CNTN3: variants seen among roughly 807,000 people sequenced by gnomAD.
CNTN3 encodes the protein contactin 3.
In CNTN3, 60 loss-of-function variants were observed where a neutral mutation model predicts 119.1. The ratio of observed to expected loss-of-function variants is 0.50; its 90% CI spans 0.41 to 0.62. CNTN3 has a LOEUF of 0.62. CNTN3 is among the 20% of genes least tolerant of loss of function. CNTN3 has a pLI of 0.00. For missense variants in CNTN3, 1,101 were observed against 1,242.4 expected, an observed-to-expected ratio of 0.89 and a Z score of 1.71; for synonymous variants, 450 against 438.7, an observed-to-expected ratio of 1.03 and a Z score of -0.32.
intron 1 of CNTN3, among the ~76,000 whole-genome samples, chr3:74,586,983 T>A (rs1704603783): frequency 6.6e-6 from 1 of 152,078 alleles, no homozygotes; most frequent in Non-Finnish European, 1.5e-5. Flanking sequence ...CAGCTACTCT[T>A]ATTTTACATA....
chr3:74,295,025 G>A, intron 19 of CNTN3, 96 bp downstream of exon 19: 1 of 761,686 alleles, frequency 1.3e-6, no homozygotes, highest in South Asian at 2.6e-5. Context: ...GCCAAAGACA[G>A]ACTTCAAATA....
At chr3:74,437,915 A>T (rs1701898156) in intron 4 of CNTN3, among the ~76,000 whole-genome samples, 1 of 152,220 alleles carries the variant, frequency 6.6e-6, no homozygotes, top group Non-Finnish European at 1.5e-5. Context: ...CAATGTTCTC[A>T]CATAAAACAT....
At chr3:74,495,283 A>G (rs1703039892) in intron 3 of CNTN3, among the ~76,000 whole-genome samples, 1 of 152,118 alleles carries the variant, frequency 6.6e-6, no homozygotes, top group African/African-American at 2.4e-5. Flanking sequence ...TAAAAGTAAA[A>G]TAACAATGAT....
At chr3:74,450,667 C>T (rs1252419788) in intron 4 of CNTN3, among the ~76,000 whole-genome samples, 2 of 124,794 alleles carry the variant, frequency 1.6e-5, no homozygotes, top group Non-Finnish European at 3.3e-5. Context: ...CCCCCCTCCC[C>T]CCACCCCACA....
chr3:74,444,980 T>C (rs2106935406), intron 4 of CNTN3, among the ~76,000 whole-genome samples: 1 of 152,320 alleles, frequency 6.6e-6, no homozygotes, highest in African/African-American at 2.4e-5. Context: ...TAAAAATTCC[T>C]AGACTTGAAG....
intron 5 of CNTN3, among the ~76,000 whole-genome samples, chr3:74,403,677 T>C (rs1705253474): frequency 1.3e-5 from 2 of 152,164 alleles, no homozygotes; most frequent in African/African-American, 2.4e-5. Flanking sequence ...CTCATCCTTT[T>C]ATTAAAATAT....
intron 2 of CNTN3, among the ~76,000 whole-genome samples, chr3:74,504,438 T>C (rs1480126584): frequency 6.6e-6 from 1 of 152,150 alleles, no homozygotes; most frequent in Non-Finnish European, 1.5e-5. Flanking sequence ...CACTATTCTT[T>C]AGGAAAAAAC....
At chr3:74,351,951 G>A (rs1703826091) in intron 11 of CNTN3, among the ~76,000 whole-genome samples, 1 of 152,138 alleles carries the variant, frequency 6.6e-6, no homozygotes, top group Non-Finnish European at 1.5e-5. Context: ...GTATGGGTTG[G>A]GGAAGCCAGG....
intron 4 of CNTN3, among the ~76,000 whole-genome samples, chr3:74,458,385 T>G (rs951660152): frequency 6.6e-6 from 1 of 152,010 alleles, no homozygotes; most frequent in Non-Finnish European, 1.5e-5. Flanking sequence ...AAAAATGGCT[T>G]GTATATTTTA....
At chr3:74,580,563 A>G (rs1704487986) in intron 1 of CNTN3, among the ~76,000 whole-genome samples, 1 of 152,218 alleles carries the variant, frequency 6.6e-6, no homozygotes, top group South Asian at 2.1e-4. Context: ...GTTGTCCCAG[A>G]ATACAAAATT....
chr3:74,530,052 T>G (rs1351237877), intron 1 of CNTN3, among the ~76,000 whole-genome samples: 4 of 152,022 alleles, frequency 2.6e-5, no homozygotes, highest in African/African-American at 9.7e-5. Flanking sequence ...GAGAGTGATC[T>G]TGGGGAAAAA....
chr3:74,519,737 C>A (rs774275073), intron 2 of CNTN3, among the ~76,000 whole-genome samples: 5 of 151,556 alleles, frequency 3.3e-5, no homozygotes, highest in Non-Finnish European at 4.4e-5. Context: ...TTTCCAAAGC[C>A]CATTTGAAAG....
chr3:74,367,827 T>A (rs745988746), intron 8 of CNTN3, among the ~76,000 whole-genome samples: 1 of 152,050 alleles, frequency 6.6e-6, no homozygotes, highest in Non-Finnish European at 1.5e-5. Context: ...TACTAAAACA[T>A]TAATACAGTT....
At chr3:74,544,509 C>G (rs1233278741) in intron 1 of CNTN3, among the ~76,000 whole-genome samples, 1 of 152,114 alleles carries the variant, frequency 6.6e-6, no homozygotes, top group African/African-American at 2.4e-5. Flanking sequence ...AACCCTCCTC[C>G]CCACTTGGAC....
intron 3 of CNTN3, among the ~76,000 whole-genome samples, chr3:74,490,095 T>C (rs1008642632): frequency 6.6e-6 from 1 of 152,206 alleles, no homozygotes; most frequent in African/African-American, 2.4e-5. Context: ...TGGATGACAT[T>C]GGTACCTGCC....
Position 74,402,663 on chromosome 3 carries a change from A to G in CNTN3, c.454+22182T>C, listed in dbSNP as rs75077283. Among the ~76,000 whole-genome samples, 848 of 152,310 alleles carry G rather than the reference A, an allele frequency of 5.6e-3. 3 individuals are homozygous for G. Among genetic ancestry groups the G allele is most frequent in the Non-Finnish European group, 9.9e-3 (671 of 68,020 alleles). ...CTAATTTTTATGGAGGTGGATTCCA[A>G]TTGAAGGTAGTCAAGAGGTAACACT... is the stretch of plus-strand genomic sequence containing the variant. On this transcript the variant is annotated intron_variant, in intron 5 of 22. Coordinates refer to ENST00000263665, the MANE Select transcript of CNTN3 (RefSeq NM_020872.3).
intron 4 of CNTN3, among the ~76,000 whole-genome samples, chr3:74,472,570 TA>T (rs1470010316): frequency 6.6e-6 from 1 of 152,132 alleles, no homozygotes; most frequent in African/African-American, 2.4e-5. Context: ...TGGAAAGACA[TA>T]AAATACACAG....
At chr3:74,588,765 T>C (rs1454701244) in intron 1 of CNTN3, among the ~76,000 whole-genome samples, 1 of 151,834 alleles carries the variant, frequency 6.6e-6, no homozygotes, top group Non-Finnish European at 1.5e-5. Flanking sequence ...GAGATACAGA[T>C]CAATGGAACA....
chr3:74,594,809 C>A (rs1002400240), intron 1 of CNTN3, among the ~76,000 whole-genome samples: 3 of 151,744 alleles, frequency 2.0e-5, no homozygotes, highest in African/African-American at 7.3e-5. Flanking sequence ...TGGGTATATA[C>A]CCAGTAATGG....
Sources: gnomAD v4.1 joint callset for allele counts (sites outside exome capture counted in the v4.1 genomes callset) on GRCh38, gnomAD v4.1.1 for gene constraint, MANE v1.5 for transcripts, NCBI Gene and HGNC (gene_info 2026-07-23, HGNC 2026-07-21) for gene names.